NFASC: variants seen among roughly 807,000 people sequenced by gnomAD.
NFASC encodes the protein neurofascin homolog.
Under a neutral mutation model 147.5 loss-of-function variants are expected in NFASC, and 43 were observed. That is an observed-to-expected ratio of 0.29 (90% CI 0.23 to 0.38). NFASC has a LOEUF of 0.38. Ranked by LOEUF, NFASC falls within the 10% of genes least tolerant of loss-of-function variation. NFASC has a pLI of 1.00. For missense variants in NFASC, 1,320 were observed against 1,689.0 expected, an observed-to-expected ratio of 0.78 and a Z score of 3.83; for synonymous variants, 622 against 665.5, an observed-to-expected ratio of 0.93 and a Z score of 1.01.
At chr1:204,897,960 A>G in intron 1 of NFASC, among the ~76,000 whole-genome samples, 1 of 151,446 alleles carries the variant, frequency 6.6e-6, no homozygotes, top group East Asian at 1.9e-4. Flanking sequence ...CTGGTCTCGA[A>G]CTCCTCATCT....
At chr1:204,908,916 C>G (rs1192353939) in intron 1 of NFASC, among the ~76,000 whole-genome samples, 1 of 152,014 alleles carries the variant, frequency 6.6e-6, no homozygotes, top group Non-Finnish European at 1.5e-5. Flanking sequence ...ATAAATAGTC[C>G]ATTCCTTCTT....
At position 205,019,796 on chromosome 1, in the gene NFASC, C is replaced by T. The variant is rs989968677; in HGVS notation, c.*3257C>T. ...AGAAACAGTCCTGCTTCCTGAGCCT[C>T]TTTGCTCTGCCTCTTGGGGCAAGCT... On this transcript the variant is annotated 3_prime_UTR_variant, in exon 30 of 30. Coordinates refer to ENST00000339876, the MANE Select transcript of NFASC (RefSeq NM_001005388.3). 2.0e-5 allele frequency: 3 copies of T among 152,270 alleles called. No individual in the cohort carries two copies. Among genetic ancestry groups the T allele is most frequent in the Non-Finnish European group, 4.4e-5 (3 of 68,082 alleles). The allele number at this position is 152,270 out of a possible 1,614,324, so 9.4% of individuals were successfully genotyped here.
intron 11 of NFASC, among the ~76,000 whole-genome samples, chr1:204,971,555 G>GA (rs1185248151): frequency 1.3e-5 from 2 of 152,170 alleles, no homozygotes; most frequent in Non-Finnish European, 2.9e-5. Flanking sequence ...ACAGGTAGAG[G>GA]AGAGGGTAAG....
intron 1 of NFASC, among the ~76,000 whole-genome samples, chr1:204,906,763 A>G (rs1337504441): frequency 1.0e-4 from 6 of 57,508 alleles, no homozygotes; most frequent in Non-Finnish European, 1.6e-4. Flanking sequence ...GCTCACTGCA[A>G]GCTCCGCCTC....
intron 1 of NFASC, among the ~76,000 whole-genome samples, chr1:204,877,024 ATATAAT>A (rs1177458144): frequency 2.0e-5 from 2 of 99,734 alleles, no homozygotes; most frequent in African/African-American, 1.1e-4. Flanking sequence ...ATATATATAT[ATATAAT>A]ATATATTTAT....
intron 1 of NFASC, among the ~76,000 whole-genome samples, chr1:204,906,119 A>G (rs1403168401): frequency 6.6e-6 from 1 of 152,180 alleles, no homozygotes; most frequent in African/African-American, 2.4e-5. Context: ...AAATATTTTT[A>G]TAGTCACTCA....
intron 8 of NFASC, among the ~76,000 whole-genome samples, chr1:204,959,006 T>C (rs1334763915): frequency 1.3e-5 from 2 of 151,646 alleles, no homozygotes; most frequent in African/African-American, 4.8e-5. Context: ...ATTTCCACCA[T>C]GGCACAGAGG....
chr1:205,007,154 G>GTT (rs1339810920), intron 27 of NFASC, among the ~76,000 whole-genome samples: 2 of 146,876 alleles, frequency 1.4e-5, no homozygotes, highest in African/African-American at 2.5e-5. Context: ...TTCCTCAAGG[G>GTT]TTTTTTTTTT....
chr1:204,983,158 C>T (rs567935764), intron 21 of NFASC, among the ~76,000 whole-genome samples: 104 of 152,286 alleles, frequency 6.8e-4, no homozygotes, highest in African/African-American at 2.2e-3. Context: ...TTCTACCCTG[C>T]GGCCCACGCT....
intron 1 of NFASC, among the ~76,000 whole-genome samples, chr1:204,858,682 C>G (rs558190654): frequency 1.3e-5 from 2 of 152,122 alleles, no homozygotes; most frequent in Admixed American, 6.5e-5. Flanking sequence ...TTTCTCTTGC[C>G]GCTTCCCTTC....
chr1:204,936,946 T>C (rs1474919602), intron 2 of NFASC, among the ~76,000 whole-genome samples: 1 of 152,244 alleles, frequency 6.6e-6, no homozygotes, highest in Non-Finnish European at 1.5e-5. Context: ...TCTCAGTTTC[T>C]TGCATGGGGC....
intron 1 of NFASC, among the ~76,000 whole-genome samples, chr1:204,879,059 C>G (rs10900427): frequency 0.11 from 17,477 of 152,212 alleles, 1,787 homozygotes; most frequent in East Asian, 0.48. Flanking sequence ...GGGAATAGCA[C>G]TGAGCCAAGC....
Position 205,010,582 on chromosome 1 carries a change from C to G in NFASC, c.3421+894C>G, listed in dbSNP as rs888546018. On this transcript the variant is annotated intron_variant, in intron 28 of 29. Transcript: ENST00000339876. This position sits in a 1 kb window ranked among gnomAD's most constrained non-coding sequence, Gnocchi z 4.1. ...CACTCCAGCCTGGGTGACAGAGACCCTGTCTCAAATAAATAAAATTTTTTA... is the reference window on the plus strand; with the variant it reads ...CACTCCAGCCTGGGTGACAGAGACCGTGTCTCAAATAAATAAAATTTTTTA... The G allele has an allele frequency of 1.4e-5, 2 of 147,162 alleles. No homozygotes were observed. Among genetic ancestry groups the G allele is most frequent in the Non-Finnish European group, 3.0e-5 (2 of 66,668 alleles). The allele number at this position is 147,162 out of a possible 1,614,324, so 9.1% of individuals were successfully genotyped here. A position where few individuals can be genotyped will look rare whatever the true frequency, so the allele number is the denominator to read the frequency against.
chr1:204,887,681 C>T (rs111712076), intron 1 of NFASC, among the ~76,000 whole-genome samples: 4 of 135,380 alleles, frequency 3.0e-5, no homozygotes, highest in Admixed American at 2.7e-4. Flanking sequence ...ACTGTAGCTT[C>T]GAACTCCCAG....
intron 21 of NFASC, among the ~76,000 whole-genome samples, chr1:204,983,381 G>A (rs1015474322): frequency 2.6e-5 from 4 of 152,126 alleles, no homozygotes; most frequent in Non-Finnish European, 4.4e-5. Flanking sequence ...TATTTATAAC[G>A]TGTGGAGAGA....
intron 25 of NFASC, 28 bp downstream of exon 25, chr1:204,997,434 C>A: frequency 6.4e-7 from 1 of 1,551,566 alleles, no homozygotes; most frequent in South Asian, 1.2e-5. Context: ...TGCTCCCCAT[C>A]CCCTCCTGGC....
intron 1 of NFASC, among the ~76,000 whole-genome samples, chr1:204,837,957 A>T (rs928398608): frequency 8.5e-5 from 13 of 152,194 alleles, no homozygotes; most frequent in African/African-American, 3.1e-4. Context: ...TTACATGAGA[A>T]TTCCAGCACA....
At chr1:204,897,448 T>C (rs1380461740) in intron 1 of NFASC, among the ~76,000 whole-genome samples, 2 of 152,200 alleles carry the variant, frequency 1.3e-5, no homozygotes, top group Non-Finnish European at 2.9e-5. Flanking sequence ...AGAGCAATCT[T>C]GTTCCCAATT....
In NFASC at chr1:204,913,109, A is replaced by G. The variant is rs2088088390; in HGVS notation, c.-199-7523A>G. On this transcript the variant is annotated intron_variant, in intron 1 of 29. Transcript: ENST00000339876. The stretch of plus-strand genomic sequence containing the variant: ...AAAATTAGTATGCAATAATTATTTA[A>G]AATAGCTTAATGAACAATCAAATGC... 2.0e-5 allele frequency among the ~76,000 whole-genome samples: 3 copies of G among 151,886 alleles called. No individual in the cohort carries two copies. The South Asian group carries it at 6.2e-4, about 32-fold the overall frequency.
Sources: allele counts gnomAD v4.1 joint callset (sites outside exome capture counted in the v4.1 genomes callset), GRCh38; gene constraint gnomAD v4.1.1; non-coding constraint Gnocchi (gnomAD v3.1); transcripts MANE v1.5; gene names NCBI Gene and HGNC (gene_info 2026-07-23, HGNC 2026-07-21).